The following PITPNB variants were observed in gnomAD, a reference collection of about 807,000 sequenced individuals.
PITPNB encodes phosphatidylinositol transfer protein beta.
Under a neutral mutation model 45.9 loss-of-function variants are expected in PITPNB, and 16 were observed. The ratio of observed to expected loss-of-function variants is 0.35; its 90% CI spans 0.24 to 0.53. The LOEUF (loss-of-function observed/expected upper bound fraction) is 0.53. Ranked by LOEUF, PITPNB falls within the 20% of genes least tolerant of loss-of-function variation. PITPNB has a pLI of 0.93. For missense variants in PITPNB, 188 were observed against 330.5 expected (o/e 0.57, Z 3.34); for synonymous variants, 112 against 108.9 (o/e 1.03, Z -0.18).
chr22:27,882,685 GA>G (rs1255066365), intron 7 of PITPNB, among the ~76,000 whole-genome samples: 6 of 152,200 alleles, frequency 3.9e-5, no homozygotes, highest in African/African-American at 1.4e-4. Context: ...TCGTGGCTCC[GA>G]TTAGTCTTTG....
chr22:27,898,247 T>A (rs989299250), intron 3 of PITPNB, among the ~76,000 whole-genome samples: 1 of 152,012 alleles, frequency 6.6e-6, no homozygotes, highest in African/African-American at 2.4e-5. Flanking sequence ...TGGTGGCACA[T>A]GCCTGTAGCC....
chr22:27,910,319 C>T (rs1935885845), intron 3 of PITPNB: 1 of 152,196 alleles, frequency 6.6e-6, no homozygotes, highest in Non-Finnish European at 1.5e-5. Context: ...TGGTGTCGAA[C>T]TCCTAGGCTT....
intron 3 of PITPNB, 161 bp downstream of exon 3, chr22:27,910,803 A>C: frequency 1.7e-6 from 1 of 575,890 alleles, no homozygotes; most frequent in Non-Finnish European, 3.1e-6. Flanking sequence ...TCCTTTTCTA[A>C]TTTACAAATA....
At chr22:27,893,759 C>A (rs1009991411) in intron 7 of PITPNB, among the ~76,000 whole-genome samples, 1 of 151,698 alleles carries the variant, frequency 6.6e-6, no homozygotes, top group Non-Finnish European at 1.5e-5. Context: ...CCCAGCTAAT[C>A]GTTTTTTTCT....
intron 3 of PITPNB, among the ~76,000 whole-genome samples, chr22:27,903,682 G>C (rs1935675365): frequency 1.3e-5 from 2 of 150,784 alleles, no homozygotes; most frequent in South Asian, 2.1e-4. Flanking sequence ...AGGCTGAGGT[G>C]GGGGGATTGC....
At chr22:27,858,655 C>A in intron 9 of PITPNB, 146 bp from the exon 10 acceptor site, 2 of 591,146 alleles carry the variant, frequency 3.4e-6, no homozygotes, top group South Asian at 2.3e-5. Context: ...AATCATAATT[C>A]CATTTAATTA....
Position 27,870,213 on chromosome 22 carries a change from T to C in PITPNB, c.534+3525A>G, listed in dbSNP as rs529440174. On this transcript the variant is annotated intron_variant, in intron 8 of 11. Coordinates refer to ENST00000335272, the MANE Select transcript of PITPNB (RefSeq NM_012399.5). Reference sequence around the variant, plus strand: ...TTTCTCTGCCCAAGTTTCTCAACTATATAAAATAAAGCAGCTGAACTTACA... The same window carrying C: ...TTTCTCTGCCCAAGTTTCTCAACTACATAAAATAAAGCAGCTGAACTTACA... Among the ~76,000 whole-genome samples the C allele has an allele frequency of 1.4e-4, 22 of 152,328 alleles. No homozygotes were observed. In the South Asian group the frequency reaches 4.6e-3, roughly 32 times the overall value.
intron 4 of PITPNB, among the ~76,000 whole-genome samples, chr22:27,897,353 T>A (rs1227366863): frequency 3.9e-5 from 6 of 152,166 alleles, no homozygotes; most frequent in Admixed American, 3.9e-4. Context: ...TGAACAATAA[T>A]CTAATTTTAA....
At chr22:27,891,013 T>C (rs191201011) in intron 7 of PITPNB, among the ~76,000 whole-genome samples, 2 of 152,220 alleles carry the variant, frequency 1.3e-5, no homozygotes, top group Admixed American at 1.3e-4. Flanking sequence ...ATATGAAATA[T>C]CCAGAATAGG....
chr22:27,903,716 C>G (rs180727540), intron 3 of PITPNB, among the ~76,000 whole-genome samples: 1 of 135,932 alleles, frequency 7.4e-6, no homozygotes, highest in East Asian at 2.2e-4. Flanking sequence ...TTCAAGGCTA[C>G]AGTGAGCTAT....
chr22:27,887,468 A>G (rs1433035884), intron 7 of PITPNB, among the ~76,000 whole-genome samples: 2 of 152,006 alleles, frequency 1.3e-5, no homozygotes, highest in Non-Finnish European at 2.9e-5. Flanking sequence ...CAACCATCCA[A>G]CCTGAGCCTC....
At chr22:27,880,899 G>A (rs1011141638) in intron 7 of PITPNB, among the ~76,000 whole-genome samples, 3 of 152,218 alleles carry the variant, frequency 2.0e-5, no homozygotes, top group African/African-American at 4.8e-5. Context: ...GGGATTACAG[G>A]CGTGAGCCAC....
intron 2 of PITPNB, 73 bp from the exon 3 acceptor site, chr22:27,911,182 A>G: frequency 2.9e-6 from 3 of 1,033,018 alleles, no homozygotes; most frequent in Non-Finnish European, 1.5e-6. Context: ...TAAAATCTTA[A>G]TAATATAGAT....
chr22:27,901,672 T>C (rs1935598268), intron 3 of PITPNB, among the ~76,000 whole-genome samples: 1 of 151,984 alleles, frequency 6.6e-6, no homozygotes, highest in Non-Finnish European at 1.5e-5. Context: ...TCACCTGAGG[T>C]TGGGAGTTCG....
chr22:27,881,702 T>A (rs956109394), intron 7 of PITPNB, among the ~76,000 whole-genome samples: 2 of 152,172 alleles, frequency 1.3e-5, no homozygotes, highest in African/African-American at 4.8e-5. Context: ...GCAGCAGCAG[T>A]TGGAACAAAT....
At chr22:27,917,393 G>A (rs1441726845) in intron 1 of PITPNB, among the ~76,000 whole-genome samples, 1 of 152,204 alleles carries the variant, frequency 6.6e-6, no homozygotes, top group Admixed American at 6.5e-5. Context: ...CTCACTTGCT[G>A]TGTAACTTGG....
intron 7 of PITPNB, among the ~76,000 whole-genome samples, chr22:27,888,499 G>C (rs1272755609): frequency 1.3e-5 from 2 of 152,150 alleles, no homozygotes; most frequent in East Asian, 3.9e-4. Context: ...ACATCAAATT[G>C]ATTTTGTATT....
chr22:27,915,526 G>C (rs1936051260), intron 1 of PITPNB, among the ~76,000 whole-genome samples: 1 of 151,770 alleles, frequency 6.6e-6, no homozygotes, highest in Admixed American at 6.6e-5. Context: ...ATCTATGTCT[G>C]AATGTTCACA....
At chr22:27,857,675 A>T (rs1024828215) in intron 10 of PITPNB, among the ~76,000 whole-genome samples, 3 of 152,200 alleles carry the variant, frequency 2.0e-5, no homozygotes, top group Admixed American at 2.0e-4. Context: ...CTTACTGCCA[A>T]CTGAAGACAA....
Sources: allele counts gnomAD v4.1 joint callset (sites outside exome capture counted in the v4.1 genomes callset), GRCh38; gene constraint gnomAD v4.1.1; transcripts MANE v1.5; gene names NCBI Gene and HGNC (gene_info 2026-07-23, HGNC 2026-07-21).